The following CACNA1C variants were observed in gnomAD, a reference collection of about 807,000 sequenced individuals.
CACNA1C encodes the protein voltage-dependent L-type calcium channel subunit alpha-1C.
In CACNA1C, 30 loss-of-function variants were observed where a neutral mutation model predicts 229.0. The ratio of observed to expected loss-of-function variants is 0.13; its 90% CI spans 0.10 to 0.18. CACNA1C has a LOEUF of 0.18. Ranked by LOEUF, CACNA1C falls within the 10% of genes least tolerant of loss-of-function variation. CACNA1C has a pLI of 1.00. For missense variants in CACNA1C, 1,658 were observed against 2,845.0 expected (o/e 0.58, Z 9.49); for synonymous variants, 1,114 against 1,132.5 (o/e 0.98, Z 0.33).
At chr12:2,136,806 C>T (rs2093557998) in intron 3 of CACNA1C, among the ~76,000 whole-genome samples, 1 of 151,434 alleles carries the variant, frequency 6.6e-6, no homozygotes, top group Non-Finnish European at 1.5e-5. Context: ...ATTCATATTA[C>T]CTGAGATCCT....
chr12:2,206,885 G>A (rs557961018), intron 3 of CACNA1C, among the ~76,000 whole-genome samples: 34 of 152,250 alleles, frequency 2.2e-4, no homozygotes, highest in Non-Finnish European at 3.8e-4. Flanking sequence ...CCCATGCTTC[G>A]TATTTTATAC....
chr12:2,403,075 G>A lies in CACNA1C; in HGVS notation c.478-45901G>A, dbSNP rs1489554909. 2.0e-5 allele frequency among the ~76,000 whole-genome samples: 3 copies of A among 152,184 alleles called. No individual in the cohort carries two copies. The highest frequency in any genetic ancestry group is 7.2e-5 in the African/African-American group (3 of 41,440). On this transcript the variant is annotated intron_variant, in intron 3 of 46. Transcript: ENST00000399655. This position sits in a 1 kb window ranked among gnomAD's most constrained non-coding sequence, Gnocchi z 4.1. ...TGTGGGGCAGGGCAGAGGGACTTGTGTGTGTAGGCAGCAGCACACAGATAC... is the reference window on the plus strand; with the variant it reads ...TGTGGGGCAGGGCAGAGGGACTTGTATGTGTAGGCAGCAGCACACAGATAC...
chr12:2,330,702 A>G (rs766801563), intron 3 of CACNA1C, among the ~76,000 whole-genome samples: 2 of 152,238 alleles, frequency 1.3e-5, no homozygotes, highest in Non-Finnish European at 2.9e-5. Context: ...ACAAAAAGCA[A>G]TTTCTAAAAA....
At chr12:2,449,758 C>G (rs183109456) in intron 4 of CACNA1C, among the ~76,000 whole-genome samples, 2 of 152,216 alleles carry the variant, frequency 1.3e-5, no homozygotes, top group Non-Finnish European at 2.9e-5. Flanking sequence ...TAAGGACTTT[C>G]GTTTCATCTC....
Position 2,679,428 on chromosome 12 carries a change from T to TCC in CACNA1C, c.5092-15_5092-14dup, listed in dbSNP as rs762313351. Reference sequence around the variant, plus strand: ...GCTAAGGGGCTTCTCCACCCACCCCTCCTTCTTGCCTACAGAGGGCCGGTG... The same window carrying TCC: ...GCTAAGGGGCTTCTCCACCCACCCCTCCCCTTCTTGCCTACAGAGGGCCGGTG... On this transcript the variant is annotated splice_polypyrimidine_tract_variant and intron_variant, in intron 41 of 46. Coordinates refer to ENST00000399655, the MANE Select transcript of CACNA1C (RefSeq NM_000719.7). This position sits in a 1 kb window ranked among gnomAD's most constrained non-coding sequence, Gnocchi z 5.5. 22 of 1,510,650 alleles carry TCC rather than the reference T, an allele frequency of 1.5e-5. No individual in the cohort carries two copies. In the African/African-American group the frequency reaches 2.5e-4, roughly 17 times the overall value. 93.6% of individuals were successfully genotyped at this position (1,510,650 alleles called of 1,614,324 possible).
At chr12:2,052,902 CGGGCGGGCGGCGCGGGCAG>C, upstream of CACNA1C, 1 of 816,916 alleles carries the variant, frequency 1.2e-6, no homozygotes, top group South Asian at 5.7e-5. Context: ...GCCGGGCGGG[CGGGCGGGCGGCGCGGGCAG>C]GGGCGGGCGC....
intron 3 of CACNA1C, among the ~76,000 whole-genome samples, chr12:2,301,637 A>G (rs1163478953): frequency 1.3e-5 from 2 of 152,164 alleles, no homozygotes; most frequent in African/African-American, 2.4e-5. Context: ...TGTCTTGACC[A>G]CAGTACCCTT....
intron 3 of CACNA1C, among the ~76,000 whole-genome samples, chr12:2,277,463 A>C (rs76583093): frequency 0.058 from 8,531 of 148,080 alleles, 314 homozygotes; most frequent in African/African-American, 0.094. Flanking sequence ...TCTCTTCTTG[A>C]TTCTCCATAG....
rs775309900 is a variant in CACNA1C, at chr12:2,610,660, C to T, written c.3678C>T (p.Phe1226=). Residue 1226 remains phenylalanine, a synonymous_variant, in exon 28 of 47, where the codon TTC becomes TTT. Transcript: ENST00000399655. ...CCACCTACTTCGAGTACCTGATGTTCGTCCTCATCCTGCTCAACACCATCT... is the reference window on the plus strand; with the variant it reads ...CCACCTACTTCGAGTACCTGATGTTTGTCCTCATCCTGCTCAACACCATCT... ...VNSTYFEYLM[F]VLILLNTICL... is the part of the protein sequence containing the mutation. 5.3e-5 allele frequency: 85 copies of T among 1,614,108 alleles called. No individual in the cohort carries two copies. In the South Asian group the frequency reaches 8.7e-4, roughly 16 times the overall value.
In CACNA1C at chr12:2,053,732, C is replaced by T; in HGVS notation, c.49+121C>T. On this transcript the variant is annotated intron_variant, in intron 1 of 46. Transcript: ENST00000399655. The surrounding 1 kb of genome is among the most constrained non-coding windows in gnomAD (Gnocchi z 5.8). ...GCGGAGTGGCCCGGGGCCGCGTCCG[C>T]GAGGGGCGCCTCCGCCTCGTCGGAG... 1 of 998,568 alleles carries T rather than the reference C, an allele frequency of 1.0e-6. No homozygotes were observed. The highest frequency in any genetic ancestry group is 3.9e-5 in the East Asian group (1 of 25,666). 61.9% of individuals were successfully genotyped at this position (998,568 alleles called of 1,614,324 possible).
At chr12:2,056,535 G>A (rs1005334920) in intron 1 of CACNA1C, among the ~76,000 whole-genome samples, 4 of 152,218 alleles carry the variant, frequency 2.6e-5, no homozygotes, top group Non-Finnish European at 5.9e-5. Flanking sequence ...TGTTTGGGGA[G>A]TGCAAGACAC....
At chr12:2,421,429 T>G (rs2098978128) in intron 3 of CACNA1C, among the ~76,000 whole-genome samples, 1 of 152,216 alleles carries the variant, frequency 6.6e-6, no homozygotes, top group African/African-American at 2.4e-5. Context: ...AATTCTTTTT[T>G]GAGGGACAAA....
Position 2,566,687 on chromosome 12 carries a change from A to G in CACNA1C, c.1669+105A>G. ...CAGAAGGTGGAGGGGAAAGCAGCCA[A>G]TGGTCGGGGCTCTTGGCAGGTGCTG... On this transcript the variant is annotated intron_variant, in intron 12 of 46. Transcript: ENST00000399655. This position sits in a 1 kb window ranked among gnomAD's most constrained non-coding sequence, Gnocchi z 4.0. The G allele has an allele frequency of 1.0e-6, 1 of 975,300 alleles. No homozygotes were observed. The highest frequency in any genetic ancestry group is 2.5e-5 in the Admixed American group (1 of 40,110). The allele number at this position is 975,300 out of a possible 1,614,324, so 60.4% of individuals were successfully genotyped here.
At chr12:2,321,749 C>A (rs763659365) in intron 3 of CACNA1C, among the ~76,000 whole-genome samples, 4 of 152,096 alleles carry the variant, frequency 2.6e-5, no homozygotes, top group Non-Finnish European at 4.4e-5. Flanking sequence ...AGGATGAAGT[C>A]CTAGCCATGT....
At chr12:2,301,412 G>A (rs1053986489) in intron 3 of CACNA1C, among the ~76,000 whole-genome samples, 10 of 152,148 alleles carry the variant, frequency 6.6e-5, no homozygotes, top group African/African-American at 2.4e-4. Context: ...ACAGAGGCAG[G>A]GCAGAATTTC....
At chr12:2,010,405 G>C (rs1029272606) in intron 1 of CACNA1C, among the ~76,000 whole-genome samples, 43 of 152,140 alleles carry the variant, frequency 2.8e-4, no homozygotes, top group African/African-American at 9.4e-4. Context: ...TACCAGGGGG[G>C]GCTTTTGCTA....
At chr12:2,683,234 G>A (rs1266841854) in intron 43 of CACNA1C, among the ~76,000 whole-genome samples, 1 of 152,158 alleles carries the variant, frequency 6.6e-6, no homozygotes, top group Non-Finnish European at 1.5e-5. Context: ...TTAAAAGCAG[G>A]TGCAGCACAG....
intron 1 of CACNA1C, among the ~76,000 whole-genome samples, chr12:2,012,774 C>G (rs7963666): frequency 1.3e-5 from 2 of 152,176 alleles, no homozygotes; most frequent in Admixed American, 6.5e-5. Flanking sequence ...GAAGGAGGAT[C>G]AGTGAGACCT....
chr12:2,107,240 A>G (rs1416881045), intron 1 of CACNA1C, among the ~76,000 whole-genome samples: 1 of 143,846 alleles, frequency 7.0e-6, no homozygotes, highest in Non-Finnish European at 1.5e-5. Flanking sequence ...TCCTTAAGCC[A>G]CTGGGCGCCC....
Sources: gnomAD v4.1 joint callset for allele counts (sites outside exome capture counted in the v4.1 genomes callset) on GRCh38, gnomAD v4.1.1 for gene constraint, Gnocchi (gnomAD v3.1) non-coding constraint, MANE v1.5 for transcripts, NCBI Gene and HGNC (gene_info 2026-07-23, HGNC 2026-07-21) for gene names.